The following ITGA2B variants were observed in gnomAD, a reference collection of about 807,000 sequenced individuals.
ITGA2B encodes integrin subunit alpha 2b, also known as integrin alpha-IIb.
ITGA2B carries 91 observed loss-of-function variants against 142.0 expected under a neutral mutation model. That is an observed-to-expected ratio of 0.64 (90% confidence interval 0.54 to 0.76). The LOEUF (loss-of-function observed/expected upper bound fraction) is 0.76. ITGA2B is among the 30% of genes least tolerant of loss of function. The pLI is 0.00. For synonymous variants in ITGA2B, 536 were observed against 567.2 expected, an observed-to-expected ratio of 0.94 and a Z score of 0.78; for missense variants, 1,231 against 1,350.8, an observed-to-expected ratio of 0.91 and a Z score of 1.39.
chr17:44,385,248 T>TCCCGCGACAGG (rs780030198), intron 5 of ITGA2B, 38 bp downstream of exon 5: 1 of 1,613,812 alleles, frequency 6.2e-7, no homozygotes, highest in Non-Finnish European at 8.5e-7. Context: ...GGGCCCTGTT[T>TCCCGCGACAGG]GGGAGCCGCC....
chr17:44,385,124 G>A, intron 6 of ITGA2B, 40 bp downstream of exon 6: 1 of 1,614,082 alleles, frequency 6.2e-7, no homozygotes, highest in Non-Finnish European at 8.5e-7. Flanking sequence ...GGTCTCCTTG[G>A]GCCGCGAGAA....
chr17:44,388,120 T>C (rs2048666042), intron 1 of ITGA2B, among the ~76,000 whole-genome samples: 1 of 152,124 alleles, frequency 6.6e-6, no homozygotes, highest in South Asian at 2.1e-4. Flanking sequence ...TCTCTCACAA[T>C]AGTAGCTCAG....
chr17:44,381,488 C>T (rs1449496039), intron 12 of ITGA2B, among the ~76,000 whole-genome samples: 2 of 151,968 alleles, frequency 1.3e-5, no homozygotes, highest in African/African-American at 2.4e-5. Flanking sequence ...TACCACCATG[C>T]CCGGCTAATT....
In ITGA2B at chr17:44,381,046, G is replaced by A. The variant is rs201156726; in HGVS notation, c.1226C>T (p.Ala409Val). Residue 409 changes from alanine to valine, a missense_variant, in exon 13 of 30, where the codon GCC becomes GTC. Ala to Val is a moderately conservative substitution (Grantham distance 64). Coordinates refer to ENST00000262407, the MANE Select transcript of ITGA2B (RefSeq NM_000419.5). Reference sequence around the variant, plus strand: ...CCGGCCACTGGGACCCCCGTAGGGGGCAGCCACTGCAATGTCTGGAAGGAG... The same window carrying A: ...CCGGCCACTGGGACCCCCGTAGGGGACAGCCACTGCAATGTCTGGAAGGAG... ...RDGYNDIAVA[A>V]PYGGPSGRGQ... is the part of the protein sequence containing the mutation. 2 of 1,612,784 alleles carry A rather than the reference G, an allele frequency of 1.2e-6. No individual in the cohort carries two copies. The highest frequency in any genetic ancestry group is 1.7e-5 in the Admixed American group (1 of 59,952).
At chr17:44,379,981 C>A in intron 17 of ITGA2B, 21 bp downstream of exon 17, 2 of 1,613,070 alleles carry the variant, frequency 1.2e-6, no homozygotes, top group Non-Finnish European at 1.7e-6. Flanking sequence ...CCAGCCCTGC[C>A]AATCCCCTGC....
At chr17:44,389,212 C>T in intron 1 of ITGA2B, 74 bp downstream of exon 1, 1 of 1,540,186 alleles carries the variant, frequency 6.5e-7, no homozygotes, top group Non-Finnish European at 9.0e-7. Flanking sequence ...AAATGGGAAA[C>T]TCGAAGCCCC....
At position 44,379,985 on chromosome 17, in the gene ITGA2B, C is replaced by G; in HGVS notation, c.1752+17G>C. 4 of 1,613,154 alleles carry G rather than the reference C, an allele frequency of 2.5e-6. No individual in the cohort carries two copies. The highest frequency in any genetic ancestry group is 3.4e-6 in the Non-Finnish European group (4 of 1,180,030). ...GTTCTACTCTCCCAGCCCTGCCAAT[C>G]CCCTGCCTGGGCGTACTCGAAGGAA... On this transcript the variant is annotated intron_variant, in intron 17 of 29. Coordinates refer to ENST00000262407, the MANE Select transcript of ITGA2B (RefSeq NM_000419.5).
At position 44,378,505 on chromosome 17, in the gene ITGA2B, C is replaced by T. The variant is rs868075402; in HGVS notation, c.1951G>A (p.Gly651Ser). Reference protein sequence around the residue: ...PQLQLTASVTGSPLLVGADNV... With the variant: ...PQLQLTASVTSSPLLVGADNV... ...TCTGCCCCAACTAGGAGCGGGGAGC[C>T]CGTCCTGTGGGGAAAGAGGAGTGAA... The change falls in exon 20 of 30, where the codon GGC (glycine) becomes AGC (serine). Residue 651 changes from glycine to serine, a missense_variant. By Grantham distance (56) the Gly-to-Ser change is moderately conservative. Transcript: ENST00000262407. The T allele has an allele frequency of 1.2e-6, 2 of 1,613,584 alleles. No individual in the cohort carries two copies. Among genetic ancestry groups the T allele is most frequent in the African/African-American group, 1.3e-5 (1 of 74,944 alleles).
At position 44,385,580 on chromosome 17, in the gene ITGA2B, A is replaced by T. The variant is rs373979894; in HGVS notation, c.545T>A (p.Leu182Gln). The T allele has an allele frequency of 1.2e-6, 2 of 1,605,676 alleles. No individual in the cohort carries two copies. The highest frequency in any genetic ancestry group is 2.7e-5 in the African/African-American group (2 of 74,884). ...ATCATTTTCCACGTAAATGCGGCTC[A>T]GGGTGTTCCCGCGACAGGGGGAGTA... ...AEYSPCRGNT[L>Q]SRIYVENDFS... is the part of the protein sequence containing the mutation. Residue 182 changes from leucine (L) to glutamine (Q), a missense_variant, in exon 4 of 30, where the codon CTG becomes CAG. By Grantham distance (113) the Leu-to-Gln change is moderately radical. This residue lies in a region of ITGA2B where 318 missense variants were observed against 312.2 expected (regional missense o/e 1.02). Coordinates refer to ENST00000262407, the MANE Select transcript of ITGA2B (RefSeq NM_000419.5).
chr17:44,377,834 T>C (rs1244159289), intron 20 of ITGA2B, 44 bp from the exon 21 acceptor site: 3 of 1,330,882 alleles, frequency 2.3e-6, no homozygotes, highest in Non-Finnish European at 3.2e-6. Context: ...GAGCATCATA[T>C]ATATATATTT....
chr17:44,382,299 T>G (rs1449329036), intron 12 of ITGA2B, among the ~76,000 whole-genome samples: 1 of 151,786 alleles, frequency 6.6e-6, no homozygotes, highest in Non-Finnish European at 1.5e-5. Context: ...TAGTCAAACA[T>G]GTTTTTTTTT....
rs886053009 is a variant in ITGA2B at position 44,385,206 on chromosome 17, C to G, written c.628G>C (p.Gly210Arg). 2.5e-6 allele frequency: 4 copies of G among 1,614,006 alleles called. No homozygotes were observed. Among genetic ancestry groups the G allele is most frequent in the Non-Finnish European group, 3.4e-6 (4 of 1,179,988 alleles). Reference protein sequence around the residue: ...AGFSSVVTQAGELVLGAPGGY... With the variant: ...AGFSSVVTQARELVLGAPGGY... ...CCAGGAGCCCCAAGCACCAGCTCTCCGGCCTGGAAGGGAAGTCCTGAGGGT... is the reference window on the plus strand; with the variant it reads ...CCAGGAGCCCCAAGCACCAGCTCTCGGGCCTGGAAGGGAAGTCCTGAGGGT... Residue 210 changes from glycine (G) to arginine (R), a missense_variant, in exon 6 of 30, where the codon GGA becomes CGA. Transcript: ENST00000262407.
intron 23 of ITGA2B, 58 bp downstream of exon 23, chr17:44,376,250 G>A (rs564193897): frequency 1.2e-5 from 20 of 1,612,702 alleles, no homozygotes; most frequent in South Asian, 4.4e-5. Context: ...TTTCCCCAGC[G>A]CCCCCTGGAG....
intron 1 of ITGA2B, among the ~76,000 whole-genome samples, chr17:44,387,359 CTA>C (rs1243095041): frequency 1.3e-5 from 2 of 150,400 alleles, no homozygotes; most frequent in Non-Finnish European, 3.0e-5. Context: ...CCTGTCTCTA[CTA>C]AAAATACAAA....
At position 44,389,514 on chromosome 17, in the gene ITGA2B, T is replaced by C. The variant is rs759333072; in HGVS notation, c.-41A>G. 1 of 1,598,608 alleles carries C rather than the reference T, an allele frequency of 6.3e-7. No individual in the cohort carries two copies. ...ACCTCCCAGGCAGGAATGGGCCAGC[T>C]CCTCCTCCTTCCCTTCAGATTCCTC... On this transcript the variant is annotated 5_prime_UTR_variant, in exon 1 of 30. Transcript: ENST00000262407.
rs766170880 is a variant in ITGA2B at position 44,374,728 on chromosome 17, G to T, written c.2874C>A (p.His958Gln). Residue 958 changes from histidine to glutamine, a missense_variant, in exon 28 of 30, where the codon CAC becomes CAA. Physicochemically the swap from His to Gln is conservative, Grantham distance 24 (BLOSUM62 0). Around this residue, in one of 3 missense-constraint regions of ITGA2B, gnomAD observed 908 missense variants for 1,021.1 expected, o/e 0.89. Transcript: ENST00000262407. The stretch of plus-strand genomic sequence containing the variant: ...GGAGGGAGGACACGTTGAACCATGC[G>T]TGCGACTGCAGCACAAACTGATCCA... ...RPLDQFVLQS[H>Q]AWFNVSSLPY... 1 of 1,614,084 alleles carries T rather than the reference G, an allele frequency of 6.2e-7. No individual in the cohort carries two copies. Among genetic ancestry groups the T allele is most frequent in the Non-Finnish European group, 8.5e-7 (1 of 1,180,012 alleles).
chr17:44,388,510 C>T (rs2048669776), intron 1 of ITGA2B, among the ~76,000 whole-genome samples: 1 of 151,326 alleles, frequency 6.6e-6, no homozygotes, highest in African/African-American at 2.4e-5. Context: ...GCATGCGGCA[C>T]CACGCCCGGC....
rs1305177964 is a variant in ITGA2B, at chr17:44,375,128, T to C, written c.2728-17A>G. ...GTCGCAGCTCTGAGGGGAAGCATCG[T>C]CAGTCCCCAGCCCGTCCCGGCCCAT... On this transcript the variant is annotated splice_polypyrimidine_tract_variant and intron_variant, in intron 26 of 29. Coordinates refer to ENST00000262407, the MANE Select transcript of ITGA2B (RefSeq NM_000419.5). 4 of 1,543,610 alleles carry C rather than the reference T, an allele frequency of 2.6e-6. No individual in the cohort carries two copies. Among genetic ancestry groups the C allele is most frequent in the African/African-American group, 2.7e-5 (2 of 72,856 alleles).
At position 44,380,219 on chromosome 17, in the gene ITGA2B, C is replaced by G. The variant is rs747803295; in HGVS notation, c.1600+27G>C. On this transcript the variant is annotated intron_variant, in intron 16 of 29. Coordinates refer to ENST00000262407, the MANE Select transcript of ITGA2B (RefSeq NM_000419.5). Reference sequence around the variant, plus strand: ...CCTCCGGGGGAGTCCAAGCCCACCTCCCTCCTGCCCCCTTCATGCCACTCA... The same window carrying G: ...CCTCCGGGGGAGTCCAAGCCCACCTGCCTCCTGCCCCCTTCATGCCACTCA... 4 of 1,614,144 alleles carry G rather than the reference C, an allele frequency of 2.5e-6. No individual in the cohort carries two copies. In the South Asian group the frequency reaches 4.4e-5, roughly 18 times the overall value.
Sources: gnomAD v4.1 joint callset for allele counts (sites outside exome capture counted in the v4.1 genomes callset) on GRCh38, gnomAD v4.1.1 for gene constraint, gnomAD v4.1.1 regional missense constraint, MANE v1.5 for transcripts, NCBI Gene and HGNC (gene_info 2026-07-23, HGNC 2026-07-21) for gene names.